The following PDE1C variants were observed in gnomAD, a reference collection of about 807,000 sequenced individuals.
The protein encoded by PDE1C is dual specificity calcium/calmodulin-dependent 3',5'-cyclic nucleotide phosphodiesterase 1C.
PDE1C carries 62 observed loss-of-function variants against 93.1 expected under a neutral mutation model. The observed-to-expected ratio is 0.67, with a 90% CI of 0.54 to 0.82. The LOEUF (loss-of-function observed/expected upper bound fraction) is 0.82, where lower values mean the gene tolerates loss of function less well. PDE1C is among the 40% of genes least tolerant of loss of function. PDE1C has a pLI of 0.00. For synonymous variants in PDE1C, 325 were observed against 310.1 expected, an observed-to-expected ratio of 1.05 and a Z score of -0.50; for missense variants, 742 against 884.6, an observed-to-expected ratio of 0.84 and a Z score of 2.04.
At chr7:31,896,250 G>A (rs1799313951) in intron 2 of PDE1C, among the ~76,000 whole-genome samples, 1 of 152,162 alleles carries the variant, frequency 6.6e-6, no homozygotes, top group Non-Finnish European at 1.5e-5. Context: ...AGGGTGAAGG[G>A]TGTCTGCCCC....
the PDE1C span, among the ~76,000 whole-genome samples, chr7:31,638,804 A>T: frequency 6.6e-6 from 1 of 151,690 alleles, no homozygotes; most frequent in Non-Finnish European, 1.5e-5. Flanking sequence ...TGAGATGGAG[A>T]CTTGCTCTGT....
upstream of PDE1C, among the ~76,000 whole-genome samples, chr7:32,303,372 C>A (rs1319176431): frequency 1.3e-5 from 2 of 152,192 alleles, no homozygotes; most frequent in African/African-American, 4.8e-5. Context: ...CAACTATATA[C>A]TAGGCATTGT....
intron 2 of PDE1C, among the ~76,000 whole-genome samples, chr7:32,006,180 C>T (rs983477542): frequency 4.6e-5 from 7 of 152,088 alleles, no homozygotes; most frequent in South Asian, 2.1e-4. Flanking sequence ...AAATAAATAC[C>T]GTTGAAATTT....
chr7:31,902,211 A>G (rs1027310516), intron 2 of PDE1C, among the ~76,000 whole-genome samples: 2 of 151,256 alleles, frequency 1.3e-5, no homozygotes, highest in African/African-American at 4.8e-5. Context: ...ACAAAGTATC[A>G]TTTCTAAGAG....
At chr7:32,374,787 T>G (rs1044854175) in intron 1 of PDE1C, among the ~76,000 whole-genome samples, 1 of 152,230 alleles carries the variant, frequency 6.6e-6, no homozygotes, top group Non-Finnish European at 1.5e-5. Context: ...GTAAACTTTA[T>G]CTAAGGTTTT....
chr7:31,834,550 G>C (rs1790823139), intron 11 of PDE1C, among the ~76,000 whole-genome samples: 1 of 152,086 alleles, frequency 6.6e-6, no homozygotes, highest in South Asian at 2.1e-4. Flanking sequence ...GATCATTTTG[G>C]AGCTTTAAGA....
At chr7:31,930,465 A>T (rs1266129538) in intron 2 of PDE1C, among the ~76,000 whole-genome samples, 1 of 152,170 alleles carries the variant, frequency 6.6e-6, no homozygotes, top group African/African-American at 2.4e-5. Context: ...AAAAATGAAA[A>T]TTTCAGGCCA....
At chr7:31,918,179 A>C in intron 2 of PDE1C, among the ~76,000 whole-genome samples, 1 of 152,192 alleles carries the variant, frequency 6.6e-6, no homozygotes, top group East Asian at 1.9e-4. Context: ...ATATCAATTA[A>C]ATATTAATCA....
chr7:31,927,269 T>C (rs1803519512), intron 2 of PDE1C, among the ~76,000 whole-genome samples: 1 of 152,158 alleles, frequency 6.6e-6, no homozygotes, highest in South Asian at 2.1e-4. Context: ...TGGCAGGACA[T>C]CTCTGAAAGA....
At chr7:32,022,105 T>C (rs1788761813) in intron 2 of PDE1C, among the ~76,000 whole-genome samples, 1 of 151,734 alleles carries the variant, frequency 6.6e-6, no homozygotes, top group Non-Finnish European at 1.5e-5. Context: ...GTTTGGTATA[T>C]AGTAGGTGTT....
chr7:31,641,805 A>G, the PDE1C span, among the ~76,000 whole-genome samples: 13 of 152,200 alleles, frequency 8.5e-5, no homozygotes, highest in Non-Finnish European at 1.5e-4. Context: ...ACACACAAAT[A>G]TATAAAATGT....
Position 31,752,147 on chromosome 7 carries a change from T to C in PDE1C, c.*1237A>G, listed in dbSNP as rs1794171557. ...CCGAGCAAGGACCTGCAACTAGTTA[T>C]AGACAGAATAGGATGAAGATCAGAC... On this transcript the variant is annotated 3_prime_UTR_variant, in exon 18 of 18. Coordinates refer to ENST00000396191, the MANE Select transcript of PDE1C (RefSeq NM_001191057.4). 6.6e-6 allele frequency: 1 copy of C among 152,204 alleles called. No homozygotes were observed. The highest frequency in any genetic ancestry group is 2.1e-4 in the South Asian group (1 of 4,832). 9.4% of individuals were successfully genotyped at this position (152,204 alleles called of 1,614,324 possible).
At position 32,124,506 on chromosome 7, in the gene PDE1C, A is replaced by G. The variant is rs148638158; in HGVS notation, c.308+45279T>C. Among the ~76,000 whole-genome samples the G allele has an allele frequency of 5.0e-3, 763 of 152,290 alleles. 7 individuals carry two copies. The highest frequency in any genetic ancestry group is 0.017 in the African/African-American group (711 of 41,564). On this transcript the variant is annotated intron_variant, in intron 3 of 18. Coordinates refer to the PDE1C transcript ENST00000396193. ...GCATGGTACTGGTACCAAAACACAC[A>G]TATAGACCAATGGAACAGAACAGAG...
At chr7:31,901,135 CAAAA>C (rs57467525) in intron 2 of PDE1C, among the ~76,000 whole-genome samples, 3 of 128,664 alleles carry the variant, frequency 2.3e-5, no homozygotes, top group African/African-American at 5.9e-5. Context: ...GCATTATTTA[CAAAA>C]AAAAAAAAAA....
chr7:32,139,767 T>C (rs576054128), intron 3 of PDE1C, among the ~76,000 whole-genome samples: 1 of 152,292 alleles, frequency 6.6e-6, no homozygotes, highest in East Asian at 1.9e-4. Flanking sequence ...AGGAAGGATG[T>C]GGGTAGGGTT....
At chr7:32,113,333 A>C (rs1266852752) in intron 3 of PDE1C, among the ~76,000 whole-genome samples, 1 of 144,634 alleles carries the variant, frequency 6.9e-6, no homozygotes. Context: ...ATATATATAT[A>C]TCTATCTCAA....
the PDE1C span, among the ~76,000 whole-genome samples, chr7:31,677,829 A>C: frequency 1.3e-5 from 2 of 152,154 alleles, no homozygotes; most frequent in African/African-American, 4.8e-5. Context: ...TGAAGTGAAA[A>C]GAAGGAGGTA....
At chr7:32,370,838 G>A (rs1784320147) in intron 1 of PDE1C, among the ~76,000 whole-genome samples, 1 of 151,864 alleles carries the variant, frequency 6.6e-6, no homozygotes, top group Non-Finnish European at 1.5e-5. Context: ...TCTGACAACA[G>A]ATGAATGGAT....
chr7:32,171,513 T>G (rs990681447), intron 2 of PDE1C, among the ~76,000 whole-genome samples: 3 of 149,086 alleles, frequency 2.0e-5, no homozygotes, highest in Non-Finnish European at 3.0e-5. Flanking sequence ...ATTATTAAAA[T>G]TAAATTATTA....
Sources: gnomAD v4.1 joint callset for allele counts (sites outside exome capture counted in the v4.1 genomes callset) on GRCh38, gnomAD v4.1.1 for gene constraint, MANE v1.5 for transcripts, NCBI Gene and HGNC (gene_info 2026-07-23, HGNC 2026-07-21) for gene names.